Variants in ARSB observed in about 807,000 individuals in gnomAD.
ARSB encodes the protein N-acetylgalactosamine-4-sulfatase.
A neutral mutation model predicts 50.9 loss-of-function variants in ARSB; 41 were observed. That is an observed-to-expected ratio of 0.81 (90% CI 0.63 to 1.04). ARSB has a LOEUF of 1.04. Ranked by LOEUF, ARSB falls within the 50% of genes least tolerant of loss-of-function variation. The probability of loss-of-function intolerance (pLI) is 0.00; values close to 1 mark genes in which losing one functional copy is unlikely to be tolerated. For synonymous variants in ARSB, 269 were observed against 284.8 expected, an observed-to-expected ratio of 0.94 and a Z score of 0.56; for missense variants, 672 against 693.3, an observed-to-expected ratio of 0.97 and a Z score of 0.35.
intron 4 of ARSB, among the ~76,000 whole-genome samples, chr5:78,886,749 C>T (rs967237765): frequency 6.6e-6 from 1 of 151,446 alleles, no homozygotes. Flanking sequence ...TTAAATAACA[C>T]ATATTTTGCA....
chr5:78,892,596 C>T (rs997251634), intron 4 of ARSB, among the ~76,000 whole-genome samples: 2 of 152,102 alleles, frequency 1.3e-5, no homozygotes, highest in Admixed American at 6.6e-5. Context: ...AGAAGTGCAA[C>T]AACACAGTGA....
intron 5 of ARSB, among the ~76,000 whole-genome samples, chr5:78,841,304 T>C (rs1745207164): frequency 6.6e-6 from 1 of 152,128 alleles, no homozygotes; most frequent in South Asian, 2.1e-4. Flanking sequence ...CACTCCAGCC[T>C]AGATGACAAA....
At chr5:78,870,397 T>C (rs1747077919) in intron 5 of ARSB, among the ~76,000 whole-genome samples, 1 of 104,894 alleles carries the variant, frequency 9.5e-6, no homozygotes, top group South Asian at 3.3e-4. Context: ...TTGATGAACA[T>C]TGATGCAAAA....
chr5:78,853,601 G>A (rs992287685), intron 5 of ARSB, among the ~76,000 whole-genome samples: 2 of 152,178 alleles, frequency 1.3e-5, no homozygotes, highest in Non-Finnish European at 2.9e-5. Flanking sequence ...GTCAGACAGG[G>A]ATATTTAAGT....
chr5:78,897,914 G>GA (rs1252358393), intron 4 of ARSB, among the ~76,000 whole-genome samples: 2 of 151,878 alleles, frequency 1.3e-5, no homozygotes, highest in Non-Finnish European at 2.9e-5. Flanking sequence ...GTTCATTCAG[G>GA]AAAAAATAGA....
chr5:78,956,405 G>A (rs1161378646), intron 3 of ARSB, among the ~76,000 whole-genome samples: 1 of 151,982 alleles, frequency 6.6e-6, no homozygotes, highest in African/African-American at 2.4e-5. Flanking sequence ...CAGATACAAG[G>A]TTTTTTTGGG....
rs1396785603 is a variant in ARSB, at chr5:78,867,635, C to A, written c.1142+17949G>T. Among the ~76,000 whole-genome samples, 6 of 152,198 alleles carry A rather than the reference C, an allele frequency of 3.9e-5. No homozygotes were observed. In the South Asian group the frequency reaches 6.2e-4, roughly 16 times the overall value. ...GTCTGTTAGAAGGAAAACTCACAAACAGAAAGGACACCGAAAACCCATCTG... is the reference window on the plus strand; with the variant it reads ...GTCTGTTAGAAGGAAAACTCACAAAAAGAAAGGACACCGAAAACCCATCTG... On this transcript the variant is annotated intron_variant, in intron 5 of 7. Transcript: ENST00000264914.
chr5:78,914,179 G>A (rs929970478), intron 4 of ARSB, among the ~76,000 whole-genome samples: 7 of 151,932 alleles, frequency 4.6e-5, no homozygotes, highest in Non-Finnish European at 1.0e-4. Context: ...TGCTCAGGCT[G>A]GTCTCAAATT....
chr5:78,848,109 G>A (rs1745538256), intron 5 of ARSB, among the ~76,000 whole-genome samples: 1 of 150,478 alleles, frequency 6.6e-6, no homozygotes, highest in Non-Finnish European at 1.5e-5. Flanking sequence ...GGGTACATGT[G>A]CACAATGTGC....
In ARSB at chr5:78,833,490, C is replaced by T. The variant is rs181298117; in HGVS notation, c.1213+5866G>A. ...AAGCCTTCAAAAATGAATAAAAAGT[C>T]TCCTCAAAGCACACAGGAAAGCAAT... is the stretch of plus-strand genomic sequence containing the variant. On this transcript the variant is annotated intron_variant, in intron 6 of 7. Transcript: ENST00000264914. 1.7e-3 allele frequency among the ~76,000 whole-genome samples: 262 copies of T among 152,286 alleles called. 1 individual carries two copies. Among genetic ancestry groups the T allele is most frequent in the African/African-American group, 6.1e-3 (253 of 41,562 alleles).
intron 1 of ARSB, 150 bp downstream of exon 1, chr5:78,984,787 G>T: frequency 1.9e-6 from 1 of 536,046 alleles, no homozygotes; most frequent in Non-Finnish European, 2.7e-6. Flanking sequence ...GAAGAGCGAG[G>T]TTGGGGCGAG....
chr5:78,970,584 A>C (rs1034663254), intron 1 of ARSB, among the ~76,000 whole-genome samples: 7 of 152,176 alleles, frequency 4.6e-5, no homozygotes, highest in Non-Finnish European at 4.4e-5. Flanking sequence ...TCCAACAGTG[A>C]TCATTGCCAT....
At chr5:78,860,274 C>A (rs566977560) in intron 5 of ARSB, among the ~76,000 whole-genome samples, 68 of 152,226 alleles carry the variant, frequency 4.5e-4, no homozygotes, top group African/African-American at 1.6e-3. Context: ...CTTTGTAGGT[C>A]TCTAAGGACT....
Position 78,819,640 on chromosome 5 carries a change from T to A in ARSB, c.1213+19716A>T, listed in dbSNP as rs762608048. 2.6e-5 allele frequency among the ~76,000 whole-genome samples: 4 copies of A among 152,208 alleles called. No individual in the cohort carries two copies. In the South Asian group the frequency reaches 8.3e-4, roughly 32 times the overall value. On this transcript the variant is annotated intron_variant, in intron 6 of 7. Transcript: ENST00000264914. ...GGGAGATTTGTGTATGTGCTTGTCTTCTAGACTGGAGGGTCTCCAGGGCTG... is the reference window on the plus strand; with the variant it reads ...GGGAGATTTGTGTATGTGCTTGTCTACTAGACTGGAGGGTCTCCAGGGCTG...
At chr5:78,785,575 T>C (rs1455284344) in intron 6 of ARSB, among the ~76,000 whole-genome samples, 3 of 152,250 alleles carry the variant, frequency 2.0e-5, no homozygotes, top group African/African-American at 4.8e-5. Flanking sequence ...AGTTTTTAGC[T>C]GTCATTGTTG....
At chr5:78,841,156 C>T in intron 5 of ARSB, among the ~76,000 whole-genome samples, 1 of 102,908 alleles carries the variant, frequency 9.7e-6, no homozygotes, top group Middle Eastern at 6.0e-3. Flanking sequence ...ACTACTACTA[C>T]TACTACTACT....
Position 78,985,040 on chromosome 5 carries a change from G to T in ARSB, c.209C>A (p.Pro70Gln), listed in dbSNP as rs1753112824. The T allele has an allele frequency of 1.3e-6, 2 of 1,542,408 alleles. No individual in the cohort carries two copies. Among genetic ancestry groups the T allele is most frequent in the African/African-American group, 1.4e-5 (1 of 70,154 alleles). Reference sequence around the variant, plus strand: ...GCCGGCCGCCAGCGCGTCCAGGTGCGGCGTGCGGATGCGGGAGCCGTGGAA... The same window carrying T: ...GCCGGCCGCCAGCGCGTCCAGGTGCTGCGTGCGGATGCGGGAGCCGTGGAA... ...VGFHGSRIRT[P>Q]HLDALAAGGV... is the part of the protein sequence containing the mutation. Residue 70 changes from proline to glutamine, a missense_variant, in exon 1 of 8, where the codon CCG (proline) becomes CAG (glutamine). Transcript: ENST00000264914.
intron 5 of ARSB, among the ~76,000 whole-genome samples, chr5:78,868,890 C>T (rs1359548693): frequency 6.6e-6 from 1 of 151,294 alleles, no homozygotes; most frequent in African/African-American, 2.5e-5. Flanking sequence ...GAGTCAAGAC[C>T]CATCAGTGTG....
chr5:78,823,285 T>C (rs1429403900), intron 6 of ARSB, among the ~76,000 whole-genome samples: 2 of 152,198 alleles, frequency 1.3e-5, no homozygotes, highest in African/African-American at 2.4e-5. Flanking sequence ...AACTGACCAA[T>C]GGGTGTCCCA....
Sources: allele counts gnomAD v4.1 joint callset (sites outside exome capture counted in the v4.1 genomes callset), GRCh38; gene constraint gnomAD v4.1.1; transcripts MANE v1.5; gene names NCBI Gene and HGNC (gene_info 2026-07-23, HGNC 2026-07-21).